Variants in WDFY4 observed in about 807,000 individuals in gnomAD.
WDFY4 encodes WD repeat- and FYVE domain-containing protein 4.
WDFY4 carries 169 observed loss-of-function variants against 351.9 expected under a neutral mutation model. That is an observed-to-expected ratio of 0.48 (90% CI 0.42 to 0.55). The LOEUF (loss-of-function observed/expected upper bound fraction) is 0.55, where lower values mean the gene tolerates loss of function less well. Among genes scored for constraint, WDFY4 ranks in the 20% least tolerant of loss-of-function variants. WDFY4 has a pLI of 0.00. For missense variants in WDFY4, 3,803 were observed against 3,935.6 expected (o/e 0.97, Z 0.90); for synonymous variants, 1,622 against 1,574.6 (o/e 1.03, Z -0.71).
At chr10:48,787,298 G>A (rs933084688) in intron 20 of WDFY4, among the ~76,000 whole-genome samples, 4 of 152,208 alleles carry the variant, frequency 2.6e-5, no homozygotes, top group Non-Finnish European at 4.4e-5. Flanking sequence ...TCAAGTCAAA[G>A]GGGTCAGCTC....
chr10:48,724,520 C>G (rs1304980065), intron 5 of WDFY4, among the ~76,000 whole-genome samples: 1 of 152,080 alleles, frequency 6.6e-6, no homozygotes, highest in Non-Finnish European at 1.5e-5. Context: ...GCACCAGGCA[C>G]TTTCACAAAT....
chr10:48,727,069 C>T (rs943551497), intron 6 of WDFY4, among the ~76,000 whole-genome samples: 4 of 152,198 alleles, frequency 2.6e-5, no homozygotes, highest in East Asian at 1.9e-4. Flanking sequence ...TACCCTCTGC[C>T]TCCTCACATG....
intron 51 of WDFY4, among the ~76,000 whole-genome samples, chr10:48,952,857 C>T (rs894039078): frequency 6.6e-6 from 1 of 152,200 alleles, no homozygotes; most frequent in East Asian, 1.9e-4. Flanking sequence ...GGGTCCTATG[C>T]CTTTAGCTTA....
chr10:48,786,673 T>G lies in WDFY4; in HGVS notation c.3611T>G (p.Leu1204Arg). Residue 1204 changes from leucine to arginine, a missense_variant, in exon 20 of 62, where the codon CTT (leucine) becomes CGT (arginine). Leu to Arg is a moderately radical substitution (Grantham distance 102). Around this residue, in one of 3 missense-constraint regions of WDFY4, gnomAD observed 3,054 missense variants for 3,148.6 expected, o/e 0.97. Transcript: ENST00000325239. ...LYIQALPGPF[L>R]SMDPSAFVDV... is the part of the protein sequence containing the mutation. ...ATCCAGGCTCTACCAGGGCCTTTCC[T>G]TTCTATGGATCCATCCGCATTTGTG... 6.4e-7 allele frequency: 1 copy of G among 1,552,156 alleles called. No individual in the cohort carries two copies. The highest frequency in any genetic ancestry group is 2.4e-5 in the East Asian group (1 of 40,918).
At chr10:48,828,665 C>T in intron 36 of WDFY4, 113 bp from the exon 37 acceptor site, 5 of 614,130 alleles carry the variant, frequency 8.1e-6, no homozygotes, top group Admixed American at 3.8e-5. Context: ...AGTTTTTTTC[C>T]ATATTGATAT....
At chr10:48,719,961 C>G in intron 2 of WDFY4, 50 bp from the exon 3 acceptor site, 1 of 1,510,300 alleles carries the variant, frequency 6.6e-7, no homozygotes, top group Non-Finnish European at 9.0e-7. Flanking sequence ...AGTGCTCATG[C>G]CCTGCTTGTG....
chr10:48,762,923 C>T (rs1177617052), intron 13 of WDFY4, among the ~76,000 whole-genome samples: 3 of 152,240 alleles, frequency 2.0e-5, no homozygotes, highest in African/African-American at 7.2e-5. Flanking sequence ...GCCTCCTCTT[C>T]TGTGAGGGGT....
In WDFY4 at chr10:48,957,233, G is replaced by A. The variant is rs1226316701; in HGVS notation, c.8082G>A (p.Glu2694=). The A allele has an allele frequency of 1.9e-6, 3 of 1,551,724 alleles. No individual in the cohort carries two copies. The highest frequency in any genetic ancestry group is 2.6e-6 in the Non-Finnish European group (3 of 1,146,986). ...GTGACGTCAGGGAGCTGACCCCAGAGTTCTTCTACCTGCCTGAGTTCTTAA... is the reference window on the plus strand; with the variant it reads ...GTGACGTCAGGGAGCTGACCCCAGAATTCTTCTACCTGCCTGAGTTCTTAA... The part of the protein sequence containing the change: ...NMSDVRELTP[E]FFYLPEFLTN... The change falls in exon 52 of 62, where the codon GAG becomes GAA. Residue 2694 remains glutamate (E), a synonymous_variant. Transcript: ENST00000325239.
chr10:48,915,257 C>T (rs139922515), intron 47 of WDFY4, among the ~76,000 whole-genome samples: 1 of 152,298 alleles, frequency 6.6e-6, no homozygotes, highest in East Asian at 1.9e-4. Context: ...CATATTGTTT[C>T]TAATCCTCAA....
rs1179613555 is a variant in WDFY4 at position 48,787,984 on chromosome 10, C to CT, written c.3809-545dup. Among the ~76,000 whole-genome samples the CT allele has an allele frequency of 8.2e-4, 94 of 114,056 alleles. 6 individuals carry two copies. Among genetic ancestry groups the CT allele is most frequent in the Non-Finnish European group, 1.3e-3 (72 of 56,788 alleles). The allele number at this position is 114,056 out of a possible 152,430, so 74.8% of individuals were successfully genotyped here. On this transcript the variant is annotated intron_variant, in intron 20 of 61. Coordinates refer to ENST00000325239, the MANE Select transcript of WDFY4 (RefSeq NM_001394531.1). ...TCTTCTTCTTCTTCTTCTTCTTCTT[C>CT]TCCTTCTCCTTCTCCTTCTCCTTCT...
intron 10 of WDFY4, 25 bp from the exon 11 acceptor site, chr10:48,735,855 C>T (rs369520181): frequency 6.5e-7 from 1 of 1,544,846 alleles, no homozygotes; most frequent in South Asian, 1.2e-5. Flanking sequence ...TTGCCCTAGC[C>T]CCATTCTGTC....
At chr10:48,752,726 A>G (rs1817517229) in intron 12 of WDFY4, among the ~76,000 whole-genome samples, 2 of 152,204 alleles carry the variant, frequency 1.3e-5, no homozygotes, top group Admixed American at 1.3e-4. Context: ...CCTTTTTACA[A>G]TAAAATAATA....
chr10:48,911,334 T>C (rs2943246), intron 47 of WDFY4, among the ~76,000 whole-genome samples: 28,337 of 152,260 alleles, frequency 0.19, 3,592 homozygotes, highest in Non-Finnish European at 0.29. Flanking sequence ...GGTAGGCGTA[T>C]GTGTGTAAAC....
chr10:48,790,583 C>T (rs1350721510), intron 22 of WDFY4, 144 bp from the exon 23 acceptor site: 2 of 885,364 alleles, frequency 2.3e-6, no homozygotes, highest in Non-Finnish European at 3.4e-6. Flanking sequence ...CTCTTCCCCC[C>T]AGCCTGTCCC....
At chr10:48,810,873 C>A in intron 29 of WDFY4, 138 bp downstream of exon 29, 1 of 915,308 alleles carries the variant, frequency 1.1e-6, no homozygotes, top group Non-Finnish European at 1.6e-6. Flanking sequence ...ACTCCAAGGC[C>A]TACATCCAAA....
chr10:48,937,114 G>A (rs1054743605), intron 47 of WDFY4, among the ~76,000 whole-genome samples: 3 of 151,900 alleles, frequency 2.0e-5, no homozygotes, highest in African/African-American at 4.8e-5. Context: ...GGCTGGTCTC[G>A]AACTCCTGAC....
At position 48,752,446 on chromosome 10, in the gene WDFY4, A is replaced by G. The variant is rs139541606; in HGVS notation, c.2460-7901A>G. On this transcript the variant is annotated intron_variant, in intron 12 of 61. Transcript: ENST00000325239. ...TAATAATCTTAAAGCAAACAATTCC[A>G]TAGAATTTAATGCATTCACAGTGTT... Among the ~76,000 whole-genome samples the G allele has an allele frequency of 3.2e-3, 488 of 152,380 alleles. 3 individuals are homozygous for G. The highest frequency in any genetic ancestry group is 5.8e-3 in the Non-Finnish European group (393 of 68,032).
chr10:48,843,563 A>G (rs931437294), intron 39 of WDFY4, among the ~76,000 whole-genome samples: 2 of 152,016 alleles, frequency 1.3e-5, no homozygotes, highest in Non-Finnish European at 2.9e-5. Context: ...TGGATTTCAG[A>G]AAAAAAATGT....
rs972401830 is a variant in WDFY4 at position 48,814,046 on chromosome 10, G to T, written c.5304G>T (p.Leu1768Phe). 5 of 1,550,070 alleles carry T rather than the reference G, an allele frequency of 3.2e-6. No homozygotes were observed. The highest frequency in any genetic ancestry group is 4.4e-6 in the Non-Finnish European group (5 of 1,145,924). The change falls in exon 31 of 62, where the codon TTG becomes TTT. Residue 1768 changes from leucine to phenylalanine, a missense_variant. Leu to Phe is a conservative substitution (Grantham distance 22). This residue lies in a region of WDFY4 where 3,054 missense variants were observed against 3,148.6 expected (regional missense o/e 0.97). Coordinates refer to ENST00000325239, the MANE Select transcript of WDFY4 (RefSeq NM_001394531.1). ...CTGGGCTGTGCACAGAAGGTGCCTT[G>T]CTCCTCCTGGAAATGCTGAAGGCCA... ...LQAGLCTEGALLLLEMLKATM... is the reference protein window; with the variant it reads ...LQAGLCTEGAFLLLEMLKATM...
Sources: allele counts gnomAD v4.1 joint callset (sites outside exome capture counted in the v4.1 genomes callset), GRCh38; gene constraint gnomAD v4.1.1; regional missense constraint gnomAD v4.1.1; transcripts MANE v1.5; gene names NCBI Gene and HGNC (gene_info 2026-07-23, HGNC 2026-07-21).